Variants in KIF6 observed in about 807,000 individuals in gnomAD.
The protein encoded by KIF6 is kinesin-like protein KIF6.
In KIF6, 106 loss-of-function variants were observed where a neutral mutation model predicts 112.7. The ratio of observed to expected loss-of-function variants is 0.94; its 90% CI spans 0.80 to 1.11. The LOEUF is 1.11. Ranked by LOEUF, KIF6 falls within the 50% of genes least tolerant of loss-of-function variation. The pLI is 0.00. For missense variants in KIF6, 929 were observed against 964.0 expected, an observed-to-expected ratio of 0.96 and a Z score of 0.48; for synonymous variants, 339 against 339.9, an observed-to-expected ratio of 1.00 and a Z score of 0.03.
intron 13 of KIF6, among the ~76,000 whole-genome samples, chr6:39,497,965 C>A (rs1484151102): frequency 6.6e-6 from 1 of 152,172 alleles, no homozygotes; most frequent in Non-Finnish European, 1.5e-5. Flanking sequence ...AACTAGGAAT[C>A]TAGGATGTCT....
At chr6:39,448,256 C>T (rs1164285619) in intron 13 of KIF6, among the ~76,000 whole-genome samples, 4 of 152,034 alleles carry the variant, frequency 2.6e-5, no homozygotes, top group Admixed American at 6.6e-5. Context: ...CTCACTGCAA[C>T]CTCCTTCTCC....
At chr6:39,429,859 G>A (rs541204517) in intron 14 of KIF6, among the ~76,000 whole-genome samples, 1 of 151,936 alleles carries the variant, frequency 6.6e-6, no homozygotes, top group South Asian at 2.1e-4. Context: ...AGTGAGCCAA[G>A]ATCACACCAC....
intron 3 of KIF6, among the ~76,000 whole-genome samples, chr6:39,668,383 C>T (rs191563104): frequency 9.2e-5 from 14 of 152,272 alleles, no homozygotes; most frequent in Non-Finnish European, 5.9e-5. Flanking sequence ...TAAGTTCAAA[C>T]ACTGACTCAA....
intron 13 of KIF6, among the ~76,000 whole-genome samples, chr6:39,447,427 C>T (rs1039130330): frequency 6.6e-6 from 1 of 152,148 alleles, no homozygotes; most frequent in Non-Finnish European, 1.5e-5. Flanking sequence ...AACAATTTCC[C>T]CCACTGGATT....
chr6:39,363,161 CA>C (rs1374391802), intron 16 of KIF6, among the ~76,000 whole-genome samples: 2 of 152,014 alleles, frequency 1.3e-5, no homozygotes, highest in Admixed American at 6.5e-5. Context: ...AACAAACAAA[CA>C]AAAACAAACA....
intron 13 of KIF6, 184 bp from the exon 14 acceptor site, chr6:39,431,345 A>G: frequency 1.8e-6 from 1 of 569,376 alleles, no homozygotes; most frequent in Non-Finnish European, 3.2e-6. Context: ...AGGCCCTTCC[A>G]GTGCCACCCG....
chr6:39,577,173 C>T (rs1392373498), intron 10 of KIF6, among the ~76,000 whole-genome samples: 1 of 152,226 alleles, frequency 6.6e-6, no homozygotes, highest in Non-Finnish European at 1.5e-5. Context: ...TTAGGAAACA[C>T]TACCCCGTAG....
In KIF6 at chr6:39,331,126, C is replaced by T. The variant is rs1462879622; in HGVS notation, c.*5406G>A. On this transcript the variant is annotated 3_prime_UTR_variant, in exon 23 of 23. Transcript: ENST00000287152. ...CCTTGCCGGGTTCTCACACTCCCACCCACCTTGATAGTGAGTCCAAGCCCA... is the reference window on the plus strand; with the variant it reads ...CCTTGCCGGGTTCTCACACTCCCACTCACCTTGATAGTGAGTCCAAGCCCA... 6.6e-6 allele frequency: 1 copy of T among 152,520 alleles called. No individual in the cohort carries two copies. Among genetic ancestry groups the T allele is most frequent in the Non-Finnish European group, 1.5e-5 (1 of 68,214 alleles). 9.4% of individuals were successfully genotyped at this position (152,520 alleles called of 1,614,324 possible).
chr6:39,380,238 C>G (rs1162908407), intron 16 of KIF6, among the ~76,000 whole-genome samples: 1 of 152,166 alleles, frequency 6.6e-6, no homozygotes, highest in Non-Finnish European at 1.5e-5. Flanking sequence ...GTGTGGGAGT[C>G]AGCCCTCCTA....
intron 13 of KIF6, among the ~76,000 whole-genome samples, chr6:39,489,924 G>A (rs1459001852): frequency 6.6e-6 from 1 of 152,202 alleles, no homozygotes; most frequent in Non-Finnish European, 1.5e-5. Flanking sequence ...TATTTGACCT[G>A]TGACATTTTT....
chr6:39,474,421 T>C (rs1163793033), intron 13 of KIF6, among the ~76,000 whole-genome samples: 1 of 152,250 alleles, frequency 6.6e-6, no homozygotes, highest in African/African-American at 2.4e-5. Flanking sequence ...AATCAAATTT[T>C]CTTCTTAGTT....
At chr6:39,556,219 T>C (rs1284440154) in intron 10 of KIF6, among the ~76,000 whole-genome samples, 3 of 152,234 alleles carry the variant, frequency 2.0e-5, no homozygotes, top group Non-Finnish European at 4.4e-5. Context: ...TTGTGTTTAA[T>C]GTTAACACAA....
intron 3 of KIF6, chr6:39,691,236 G>C (rs776286745): frequency 1.3e-5 from 2 of 152,176 alleles, no homozygotes; most frequent in Non-Finnish European, 2.9e-5. Context: ...TCTGAGAGAA[G>C]AGTAAAGGAA....
At chr6:39,642,648 A>G (rs928639578) in intron 3 of KIF6, among the ~76,000 whole-genome samples, 2 of 152,124 alleles carry the variant, frequency 1.3e-5, no homozygotes, top group Non-Finnish European at 2.9e-5. Context: ...AGTGTTTAAC[A>G]TCACAGCTGG....
At position 39,455,063 on chromosome 6, in the gene KIF6, G is replaced by C. The variant is rs1323468848; in HGVS notation, c.1646-23902C>G. On this transcript the variant is annotated intron_variant, in intron 13 of 22. Transcript: ENST00000287152. ...TGCCTCTGTAGGCTCCACCTCTGGG[G>C]GCAGGGCACAGACAAACAAAAAGAC... is the stretch of plus-strand genomic sequence containing the variant. 1.3e-4 allele frequency among the ~76,000 whole-genome samples: 20 copies of C among 150,348 alleles called. No individual in the cohort carries two copies. The East Asian group carries it at 4.0e-3, about 30-fold the overall frequency.
At chr6:39,700,998 C>A (rs1490931949) in intron 3 of KIF6, among the ~76,000 whole-genome samples, 1 of 152,098 alleles carries the variant, frequency 6.6e-6, no homozygotes, top group Non-Finnish European at 1.5e-5. Flanking sequence ...CCGCACCTAG[C>A]CTTTAAATTT....
At chr6:39,448,908 A>G (rs1249462858) in intron 13 of KIF6, among the ~76,000 whole-genome samples, 1 of 152,204 alleles carries the variant, frequency 6.6e-6, no homozygotes, top group Non-Finnish European at 1.5e-5. Flanking sequence ...TCTAAGCTCT[A>G]TCCCAAGCTG....
intron 10 of KIF6, among the ~76,000 whole-genome samples, chr6:39,561,905 A>G (rs1780028119): frequency 6.6e-6 from 1 of 152,214 alleles, no homozygotes; most frequent in South Asian, 2.1e-4. Context: ...TAACTGCTCA[A>G]TGAATGCCAC....
chr6:39,622,835 T>C (rs1156335628), intron 5 of KIF6, among the ~76,000 whole-genome samples: 2 of 152,162 alleles, frequency 1.3e-5, no homozygotes, highest in Non-Finnish European at 2.9e-5. Flanking sequence ...TTTTGCATGA[T>C]GACTAAAGCT....
Sources: allele counts gnomAD v4.1 joint callset (sites outside exome capture counted in the v4.1 genomes callset), GRCh38; gene constraint gnomAD v4.1.1; transcripts MANE v1.5; gene names NCBI Gene and HGNC (gene_info 2026-07-23, HGNC 2026-07-21).